FAM117A: variants seen among roughly 807,000 people sequenced by gnomAD.
The protein encoded by FAM117A is protein FAM117A.
Under a neutral mutation model 44.1 loss-of-function variants are expected in FAM117A, and 21 were observed. The ratio of observed to expected loss-of-function variants is 0.48; its 90% CI spans 0.34 to 0.69. FAM117A has a LOEUF of 0.69. Among genes scored for constraint, FAM117A ranks in the 30% least tolerant of loss-of-function variants. The probability of loss-of-function intolerance (pLI) is 0.01; values close to 1 mark genes in which losing one functional copy is unlikely to be tolerated. For missense variants in FAM117A, 498 were observed against 589.9 expected (o/e 0.84, Z 1.61); for synonymous variants, 220 against 238.3 (o/e 0.92, Z 0.71).
At chr17:49,753,555 C>T (rs763505147) in intron 1 of FAM117A, among the ~76,000 whole-genome samples, 4 of 152,200 alleles carry the variant, frequency 2.6e-5, no homozygotes, top group Non-Finnish European at 5.9e-5. Context: ...GTGGCTCACG[C>T]CTGTAATCCC....
intron 1 of FAM117A, among the ~76,000 whole-genome samples, chr17:49,738,482 C>T (rs1474106797): frequency 6.6e-6 from 1 of 152,224 alleles, no homozygotes; most frequent in Non-Finnish European, 1.5e-5. Context: ...CCAGAATCTG[C>T]AGCCCCTGAC....
chr17:49,738,645 C>A (rs1048667079), intron 1 of FAM117A, among the ~76,000 whole-genome samples: 1 of 152,198 alleles, frequency 6.6e-6, no homozygotes, highest in Non-Finnish European at 1.5e-5. Context: ...TGGCACAGCG[C>A]CTCACTGGCC....
rs1050945870 is a variant in FAM117A, at chr17:49,743,439, G to GA, written c.197-10720dup. ...AGCGAGACTCCACCTCCAAAAAAAA[G>GA]AAAAAAAAGGCCAGGCACAGTGGCT... On this transcript the variant is annotated intron_variant, in intron 1 of 7. Coordinates refer to ENST00000240364, the MANE Select transcript of FAM117A (RefSeq NM_030802.4). Among the ~76,000 whole-genome samples, 14 of 151,684 alleles carry GA rather than the reference G, an allele frequency of 9.2e-5. No homozygotes were observed. In the South Asian group the frequency reaches 2.5e-3, roughly 27 times the overall value.
intron 1 of FAM117A, among the ~76,000 whole-genome samples, chr17:49,743,335 C>T (rs924272338): frequency 1.3e-5 from 2 of 152,092 alleles, no homozygotes; most frequent in African/African-American, 4.8e-5. Context: ...GTGGTTCCTA[C>T]CAGTAAGTCC....
At position 49,728,441 on chromosome 17, in the gene FAM117A, G is replaced by C. The variant is rs536451875; in HGVS notation, c.366+4110C>G. ...TTTTTTTTCTAAAGGGTAAGTTGGG[G>C]CTAAAGAAAAAAATATCCTATCATA... On this transcript the variant is annotated intron_variant, in intron 2 of 7. Transcript: ENST00000240364. 6.6e-5 allele frequency among the ~76,000 whole-genome samples: 10 copies of C among 151,518 alleles called. No individual in the cohort carries two copies. In the East Asian group the frequency reaches 1.9e-3, roughly 29 times the overall value.
chr17:49,786,509 G>T (rs1368459008), intron 1 of FAM117A, among the ~76,000 whole-genome samples: 4 of 152,194 alleles, frequency 2.6e-5, no homozygotes, highest in Non-Finnish European at 5.9e-5. Context: ...AGGCGCAGTG[G>T]CTCACACCTG....
At chr17:49,764,312 C>T (rs1449249630), upstream of FAM117A, 2 of 308,112 alleles carry the variant, frequency 6.5e-6, no homozygotes, top group Non-Finnish European at 1.2e-5. Context: ...GCCAAGACCC[C>T]ACCCTCACAC....
rs770540422 is a variant in FAM117A, at chr17:49,716,231, T to C, written c.995A>G (p.His332Arg). The change falls in exon 7 of 8, where the codon CAT becomes CGT. Residue 332 changes from histidine to arginine, a missense_variant. Coordinates refer to ENST00000240364, the MANE Select transcript of FAM117A (RefSeq NM_030802.4). ...GGGCTCCCGTTTGAAGATGTAGCTA[T>C]GATTAGGTCGAGGGGAGGCAGCAAA... ...LAFAASPRPN[H>R]SYIFKREPPE... 6.2e-7 allele frequency: 1 copy of C among 1,613,396 alleles called. No homozygotes were observed. The highest frequency in any genetic ancestry group is 8.5e-7 in the Non-Finnish European group (1 of 1,179,642).
intron 2 of FAM117A, 81 bp downstream of exon 2, chr17:49,732,470 T>G: frequency 7.5e-7 from 1 of 1,329,420 alleles, no homozygotes; most frequent in East Asian, 2.3e-5. Context: ...TCGCAATGAC[T>G]TGAGGAAGAC....
At chr17:49,755,529 T>G (rs544964674) in intron 1 of FAM117A, among the ~76,000 whole-genome samples, 29 of 152,192 alleles carry the variant, frequency 1.9e-4, no homozygotes, top group Non-Finnish European at 3.5e-4. Context: ...TCCTACACAT[T>G]GGCTGTTTCC....
rs771259538 is a variant in FAM117A, at chr17:49,711,321, G to C, written c.1296C>G (p.Phe432Leu). 3 of 1,609,554 alleles carry C rather than the reference G, an allele frequency of 1.9e-6. No individual in the cohort carries two copies. Among genetic ancestry groups the C allele is most frequent in the Non-Finnish European group, 2.5e-6 (3 of 1,177,270 alleles). The change falls in exon 8 of 8, where the codon TTC becomes TTG. Residue 432 changes from phenylalanine to leucine, a missense_variant. Phe to Leu is a conservative substitution (Grantham distance 22). Transcript: ENST00000240364. ...PEASKASPLPFEPWQRTPPSE... is the reference protein window; with the variant it reads ...PEASKASPLPLEPWQRTPPSE... ...ATGGTGGGGTGCGCTGCCATGGCTC[G>C]AATGGCAGTGGGGAGGCCTTGGAGG... is the stretch of plus-strand genomic sequence containing the variant.
Position 49,764,091 on chromosome 17 carries a change from T to C in FAM117A, c.-4A>G. 8.1e-7 allele frequency: 1 copy of C among 1,230,432 alleles called. No homozygotes were observed. Among genetic ancestry groups the C allele is most frequent in the Non-Finnish European group, 1.0e-6 (1 of 981,812 alleles). 76.2% of individuals were successfully genotyped at this position (1,230,432 alleles called of 1,614,324 possible). A position where few individuals can be genotyped will look rare whatever the true frequency, so the allele number is the denominator to read the frequency against. On this transcript the variant is annotated 5_prime_UTR_variant, in exon 1 of 8. Coordinates refer to ENST00000240364, the MANE Select transcript of FAM117A (RefSeq NM_030802.4). ...CGCCCGCTGCGGCCCCCGCCATGGC[T>C]CTCCCGGCTGCCTGCCTCAGCCCCA...
Position 49,763,935 on chromosome 17 carries a change from C to A in FAM117A, c.153G>T (p.Gln51His). Residue 51 changes from glutamine (Q) to histidine (H), a missense_variant, in exon 1 of 8, where the codon CAG becomes CAT. Coordinates refer to ENST00000240364, the MANE Select transcript of FAM117A (RefSeq NM_030802.4). ...LQPLRATIPF[Q>H]LQQPHQRRDG... ...CCCGGCGCTGGTGCGGCTGCTGCAG[C>A]TGGAAGGGGATCGTGGCCCTGAGCG... 8.1e-7 allele frequency: 1 copy of A among 1,237,730 alleles called. No homozygotes were observed. The highest frequency in any genetic ancestry group is 1.0e-6 in the Non-Finnish European group (1 of 991,974). 76.7% of individuals were successfully genotyped at this position (1,237,730 alleles called of 1,614,324 possible). A position where few individuals can be genotyped will look rare whatever the true frequency, so the allele number is the denominator to read the frequency against.
intron 1 of FAM117A, among the ~76,000 whole-genome samples, chr17:49,752,821 G>T (rs1472385240): frequency 6.6e-6 from 1 of 151,860 alleles, no homozygotes; most frequent in Non-Finnish European, 1.5e-5. Flanking sequence ...TCACCTTGGG[G>T]TGCTAAAGGA....
chr17:49,720,216 T>C (rs1344273545), intron 4 of FAM117A, 110 bp downstream of exon 4: 7 of 843,298 alleles, frequency 8.3e-6, no homozygotes, highest in African/African-American at 5.1e-5. Flanking sequence ...TCACAAAGCA[T>C]GCAGTGTGGT....
chr17:49,742,861 G>A, intron 1 of FAM117A, among the ~76,000 whole-genome samples: 1 of 152,148 alleles, frequency 6.6e-6, no homozygotes. Flanking sequence ...AAACATTAGG[G>A]AAGTTCAAAG....
intron 5 of FAM117A, among the ~76,000 whole-genome samples, chr17:49,718,395 G>A (rs745423950): frequency 3.3e-5 from 5 of 152,216 alleles, no homozygotes; most frequent in Non-Finnish European, 5.9e-5. Flanking sequence ...CCAGCTGGGC[G>A]CAGTGGCTCA....
rs528750614 is a variant in FAM117A, at chr17:49,750,466, T to C, written c.196+13426A>G. ...AATGCAAACAGCAAGCACTCAGGTG[T>C]TCCTGCTTTAGAGATGAGCTATTAC... is the stretch of plus-strand genomic sequence containing the variant. On this transcript the variant is annotated intron_variant, in intron 1 of 7. Coordinates refer to ENST00000240364, the MANE Select transcript of FAM117A (RefSeq NM_030802.4). Among the ~76,000 whole-genome samples, 7 of 136,074 alleles carry C rather than the reference T, an allele frequency of 5.1e-5. 1 individual carries two copies. The highest frequency in any genetic ancestry group is 1.7e-4 in the African/African-American group (7 of 40,328). The allele number at this position is 136,074 out of a possible 152,430, so 89.3% of individuals were successfully genotyped here.
chr17:49,749,870 C>G (rs1873545734), intron 1 of FAM117A, among the ~76,000 whole-genome samples: 1 of 148,464 alleles, frequency 6.7e-6, no homozygotes, highest in Non-Finnish European at 1.5e-5. Context: ...AGGTGGCCTA[C>G]TATAACGGTC....
Sources: gnomAD v4.1 joint callset for allele counts (sites outside exome capture counted in the v4.1 genomes callset) on GRCh38, gnomAD v4.1.1 for gene constraint, MANE v1.5 for transcripts, NCBI Gene and HGNC (gene_info 2026-07-23, HGNC 2026-07-21) for gene names.